Variants in STXBP5L observed in about 807,000 individuals in gnomAD.
STXBP5L encodes the protein syntaxin binding protein 5L.
STXBP5L carries 65 observed loss-of-function variants against 144.5 expected under a neutral mutation model. That is an observed-to-expected ratio of 0.45 (90% CI 0.37 to 0.55). The LOEUF (loss-of-function observed/expected upper bound fraction) is 0.55. STXBP5L is among the 20% of genes least tolerant of loss of function. The pLI, the probability that STXBP5L is intolerant of heterozygous loss-of-function variation, is 0.00. For synonymous variants in STXBP5L, 505 were observed against 469.6 expected (o/e 1.08, Z -0.97); for missense variants, 1,298 against 1,405.5 (o/e 0.92, Z 1.22).
intron 3 of STXBP5L, among the ~76,000 whole-genome samples, chr3:120,966,000 C>G (rs1183910181): frequency 1.3e-5 from 2 of 152,020 alleles, no homozygotes; most frequent in African/African-American, 4.8e-5. Flanking sequence ...TTTCTCTAAA[C>G]TTCTCCTGTG....
chr3:120,963,936 G>T (rs192127457), intron 3 of STXBP5L, among the ~76,000 whole-genome samples: 9 of 152,212 alleles, frequency 5.9e-5, no homozygotes, highest in African/African-American at 1.4e-4. Flanking sequence ...ATTAATTATT[G>T]CCTCAATTTC....
chr3:120,951,205 AG>A (rs1711198505), intron 2 of STXBP5L, among the ~76,000 whole-genome samples: 2 of 152,216 alleles, frequency 1.3e-5, no homozygotes. Context: ...AAACCGTAGA[AG>A]AAAACCTAGG....
intron 9 of STXBP5L, among the ~76,000 whole-genome samples, chr3:121,189,085 T>A (rs2047524660): frequency 6.6e-6 from 1 of 152,174 alleles, no homozygotes; most frequent in Non-Finnish European, 1.5e-5. Context: ...CATAATCTCC[T>A]TAAGCTGATA....
At chr3:121,373,246 A>T (rs2046084923) in intron 20 of STXBP5L, among the ~76,000 whole-genome samples, 1 of 152,232 alleles carries the variant, frequency 6.6e-6, no homozygotes, top group Admixed American at 6.5e-5. Context: ...GGATGCTCCA[A>T]TGCAGGAGAA....
At chr3:120,957,554 C>A (rs1938181795) in intron 3 of STXBP5L, among the ~76,000 whole-genome samples, 1 of 151,900 alleles carries the variant, frequency 6.6e-6, no homozygotes, top group African/African-American at 2.4e-5. Context: ...ATGCCGGCCT[C>A]ATAGATGAGA....
At chr3:121,313,219 A>AC (rs201619403) in intron 19 of STXBP5L, among the ~76,000 whole-genome samples, 1,471 of 101,084 alleles carry the variant, frequency 0.015, 8 homozygotes, top group Non-Finnish European at 0.019. Flanking sequence ...AGGGGGGCTG[A>AC]CCCCCCCCAC....
At chr3:121,094,046 G>C (rs1010450952) in intron 5 of STXBP5L, among the ~76,000 whole-genome samples, 6 of 152,124 alleles carry the variant, frequency 3.9e-5, no homozygotes, top group African/African-American at 1.4e-4. Context: ...AGTCATTCAG[G>C]AGCAGGTTGT....
At chr3:120,985,314 G>T (rs1576576152) in intron 3 of STXBP5L, among the ~76,000 whole-genome samples, 1 of 151,906 alleles carries the variant, frequency 6.6e-6, no homozygotes, top group East Asian at 1.9e-4. Flanking sequence ...GATGTCTTTT[G>T]TATATAGTTA....
intron 2 of STXBP5L, among the ~76,000 whole-genome samples, chr3:120,925,504 G>T (rs1709577442): frequency 6.6e-6 from 1 of 152,008 alleles, no homozygotes; most frequent in Non-Finnish European, 1.5e-5. Flanking sequence ...GTTTCCAGTT[G>T]CATGGAATAT....
At chr3:121,111,952 C>T (rs1341412184) in intron 5 of STXBP5L, among the ~76,000 whole-genome samples, 2 of 152,162 alleles carry the variant, frequency 1.3e-5, no homozygotes, top group East Asian at 3.9e-4. Context: ...GCAGAGAGGC[C>T]CCCATCCAGT....
chr3:121,107,973 C>G (rs1262803081), intron 5 of STXBP5L, among the ~76,000 whole-genome samples: 2 of 152,094 alleles, frequency 1.3e-5, no homozygotes, highest in Non-Finnish European at 2.9e-5. Flanking sequence ...CTCTTTGTAG[C>G]AATTGTGAAT....
intron 5 of STXBP5L, among the ~76,000 whole-genome samples, chr3:121,070,424 C>T (rs539446667): frequency 6.6e-6 from 1 of 152,186 alleles, no homozygotes; most frequent in South Asian, 2.1e-4. Flanking sequence ...TGTTAGTATT[C>T]CTTTTTAACT....
chr3:121,160,522 G>A (rs1219051043), intron 9 of STXBP5L, among the ~76,000 whole-genome samples: 1 of 152,162 alleles, frequency 6.6e-6, no homozygotes, highest in Non-Finnish European at 1.5e-5. Context: ...AAAGTATACA[G>A]GAGGATGTAT....
At chr3:121,271,434 A>G (rs1265999268) in intron 18 of STXBP5L, among the ~76,000 whole-genome samples, 1 of 152,178 alleles carries the variant, frequency 6.6e-6, no homozygotes, top group East Asian at 1.9e-4. Context: ...CTACCCCTGG[A>G]ATCAGCTATC....
intron 11 of STXBP5L, among the ~76,000 whole-genome samples, chr3:121,228,943 T>C (rs1430832405): frequency 6.6e-6 from 1 of 152,208 alleles, no homozygotes; most frequent in Admixed American, 6.6e-5. Flanking sequence ...ACCAGATTTT[T>C]AAACTTTGTA....
intron 5 of STXBP5L, among the ~76,000 whole-genome samples, chr3:121,052,564 C>G (rs1190754894): frequency 6.6e-6 from 1 of 152,188 alleles, no homozygotes. Flanking sequence ...GCTAAAAACT[C>G]TCAACAAATT....
intron 20 of STXBP5L, among the ~76,000 whole-genome samples, chr3:121,349,421 G>A (rs534636284): frequency 0.096 from 14,510 of 150,844 alleles, 1,117 homozygotes; most frequent in Admixed American, 0.2. Context: ...GTGCTGAGAA[G>A]AATGTATATT....
At chr3:121,320,497 A>G (rs1038518197) in intron 20 of STXBP5L, among the ~76,000 whole-genome samples, 3 of 151,988 alleles carry the variant, frequency 2.0e-5, no homozygotes, top group African/African-American at 7.2e-5. Flanking sequence ...CCTTCAATAC[A>G]ATGTTGAATA....
At chr3:121,071,704 G>T (rs2041819326) in intron 5 of STXBP5L, among the ~76,000 whole-genome samples, 1 of 152,192 alleles carries the variant, frequency 6.6e-6, no homozygotes, top group Non-Finnish European at 1.5e-5. Flanking sequence ...GGGATGTACT[G>T]CATCTGTGAG....
Sources: gnomAD v4.1 joint callset for allele counts (sites outside exome capture counted in the v4.1 genomes callset) on GRCh38, gnomAD v4.1.1 for gene constraint, MANE v1.5 for transcripts, NCBI Gene and HGNC (gene_info 2026-07-23, HGNC 2026-07-21) for gene names.